The following IMPACT variants were observed in gnomAD, a reference collection of about 807,000 sequenced individuals.
IMPACT encodes the protein protein IMPACT.
A neutral mutation model predicts 47.5 loss-of-function variants in IMPACT; 35 were observed. That is an observed-to-expected ratio of 0.74 (90% confidence interval 0.56 to 0.98). The LOEUF is 0.98. IMPACT is among the 50% of genes least tolerant of loss of function. The probability of loss-of-function intolerance (pLI) is 0.00; values close to 1 mark genes in which losing one functional copy is unlikely to be tolerated. For synonymous variants in IMPACT, 118 were observed against 125.6 expected, an observed-to-expected ratio of 0.94 and a Z score of 0.40; for missense variants, 373 against 394.8, an observed-to-expected ratio of 0.94 and a Z score of 0.47.
At chr18:24,427,777 A>G in intron 1 of IMPACT, 142 bp from the exon 2 acceptor site, 2 of 712,958 alleles carry the variant, frequency 2.8e-6, no homozygotes, top group Non-Finnish European at 4.4e-6. Context: ...CCTGCTCTTA[A>G]GAAACTCTTG....
rs1355436867 is a variant in IMPACT at position 24,451,128 on chromosome 18, G to A, written c.*281G>A. 4.0e-6 allele frequency: 1 copy of A among 248,028 alleles called. No individual in the cohort carries two copies. The highest frequency in any genetic ancestry group is 7.7e-6 in the Non-Finnish European group (1 of 129,552). 15.4% of individuals were successfully genotyped at this position (248,028 alleles called of 1,614,324 possible). On this transcript the variant is annotated 3_prime_UTR_variant, in exon 11 of 11. Coordinates refer to ENST00000284202, the MANE Select transcript of IMPACT (RefSeq NM_018439.4). ...GTAACAGTTGCCCAGGGCAGTACCT[G>A]AATTAACTGTCCATTTCAGTACATG...
chr18:24,449,997 G>C, intron 10 of IMPACT, 44 bp downstream of exon 10: 1 of 1,592,696 alleles, frequency 6.3e-7, no homozygotes, highest in Non-Finnish European at 8.6e-7. Flanking sequence ...TCTCATCACT[G>C]CCTGGGAATT....
At chr18:24,445,523 A>C in intron 8 of IMPACT, 57 bp downstream of exon 8, 1 of 975,054 alleles carries the variant, frequency 1.0e-6, no homozygotes, top group Non-Finnish European at 1.5e-6. Context: ...GAGGGAAATG[A>C]TGCATGATTT....
chr18:24,434,948 A>G (rs748475347), intron 4 of IMPACT, among the ~76,000 whole-genome samples: 4 of 149,284 alleles, frequency 2.7e-5, no homozygotes, highest in South Asian at 2.1e-4. Flanking sequence ...TTGGTGATTA[A>G]TTAGATGTAT....
intron 6 of IMPACT, 125 bp from the exon 7 acceptor site, chr18:24,442,924 T>C: frequency 2.0e-6 from 1 of 508,892 alleles, no homozygotes; most frequent in Non-Finnish European, 3.5e-6. Flanking sequence ...AGATAGCGAT[T>C]AATGGTTATT....
intron 4 of IMPACT, among the ~76,000 whole-genome samples, chr18:24,437,217 T>C (rs568897610): frequency 6.6e-6 from 1 of 152,318 alleles, no homozygotes; most frequent in African/African-American, 2.4e-5. Flanking sequence ...CCATACTTAC[T>C]ACAATTAGTG....
chr18:24,447,441 A>G (rs1041999388), intron 8 of IMPACT, among the ~76,000 whole-genome samples: 3 of 151,998 alleles, frequency 2.0e-5, no homozygotes, highest in Non-Finnish European at 4.4e-5. Context: ...ACTGTATTGT[A>G]GGCCTACATT....
intron 2 of IMPACT, among the ~76,000 whole-genome samples, chr18:24,428,252 T>C (rs1201237239): frequency 6.6e-6 from 1 of 152,242 alleles, no homozygotes; most frequent in Non-Finnish European, 1.5e-5. Context: ...TCCAATGCTT[T>C]TAATCATTTA....
In IMPACT at chr18:24,426,670, A is replaced by AG; in HGVS notation, c.-86dup. ...GTGGTTCCGGGTCGGGCCGCGCCGC[A>AG]GCCAGCTCTCGGCTCGCAGCCGCAG... On this transcript the variant is annotated 5_prime_UTR_variant, in exon 1 of 11. Transcript: ENST00000284202. 9.7e-7 allele frequency: 1 copy of AG among 1,035,998 alleles called. No homozygotes were observed. 64.2% of individuals were successfully genotyped at this position (1,035,998 alleles called of 1,614,324 possible). A position where few individuals can be genotyped will look rare whatever the true frequency, so the allele number is the denominator to read the frequency against.
At chr18:24,440,415 A>G (rs1464788077) in intron 5 of IMPACT, 81 bp from the exon 6 acceptor site, 21 of 1,468,752 alleles carry the variant, frequency 1.4e-5, no homozygotes, top group Non-Finnish European at 2.0e-5. Flanking sequence ...GGTATTTAGA[A>G]CCCAAGACCC....
rs1485995828 is a variant in IMPACT, at chr18:24,426,685, C to A, written c.-72C>A. 2.6e-5 allele frequency: 30 copies of A among 1,138,062 alleles called. No homozygotes were observed. The highest frequency in any genetic ancestry group is 4.3e-5 in the Admixed American group (1 of 23,364). The allele number at this position is 1,138,062 out of a possible 1,614,324, so 70.5% of individuals were successfully genotyped here. ...GCCGCGCCGCAGCCAGCTCTCGGCTCGCAGCCGCAGCGCCCCGCCCCCGCG... is the reference window on the plus strand; with the variant it reads ...GCCGCGCCGCAGCCAGCTCTCGGCTAGCAGCCGCAGCGCCCCGCCCCCGCG... On this transcript the variant is annotated 5_prime_UTR_variant, in exon 1 of 11. Coordinates refer to ENST00000284202, the MANE Select transcript of IMPACT (RefSeq NM_018439.4).
chr18:24,437,612 A>G (rs1350485052), intron 4 of IMPACT, among the ~76,000 whole-genome samples: 3 of 152,208 alleles, frequency 2.0e-5, no homozygotes. Flanking sequence ...TCAGACATCG[A>G]TACTGAAAGA....
chr18:24,430,299 T>G (rs1407930841), intron 3 of IMPACT, 23 bp from the exon 4 acceptor site: 4 of 1,527,254 alleles, frequency 2.6e-6, no homozygotes, highest in African/African-American at 1.4e-5. Flanking sequence ...AATAATCTTC[T>G]TAATTGTTTT....
chr18:24,431,244 A>G (rs1024926877), intron 4 of IMPACT, among the ~76,000 whole-genome samples: 2 of 152,182 alleles, frequency 1.3e-5, no homozygotes, highest in African/African-American at 4.8e-5. Context: ...GTTTGACTTA[A>G]AAGTGGAGTT....
intron 4 of IMPACT, among the ~76,000 whole-genome samples, chr18:24,435,760 G>A (rs1908915288): frequency 6.6e-6 from 1 of 152,180 alleles, no homozygotes; most frequent in South Asian, 2.1e-4. Flanking sequence ...TGGGCATATT[G>A]AGTTATTGTT....
rs567621610 is a variant in IMPACT at position 24,433,354 on chromosome 18, C to T, written c.281+2970C>T. Reference sequence around the variant, plus strand: ...AGCTGGGACTACAGGCGCCCGCCACCGCGCCCGGCTAATTTTTTGTATTTT... The same window carrying T: ...AGCTGGGACTACAGGCGCCCGCCACTGCGCCCGGCTAATTTTTTGTATTTT... On this transcript the variant is annotated intron_variant, in intron 4 of 10. Transcript: ENST00000284202. Among the ~76,000 whole-genome samples the T allele has an allele frequency of 9.4e-5, 14 of 149,092 alleles. No individual in the cohort carries two copies. The South Asian group carries it at 1.3e-3, about 14-fold the overall frequency.
intron 1 of IMPACT, chr18:24,427,632 C>T (rs1908646973): frequency 3.3e-6 from 1 of 300,568 alleles, no homozygotes; most frequent in South Asian, 6.1e-5. Context: ...TGTGAATGGT[C>T]ACTACAAAGT....
At chr18:24,429,772 C>G (rs1039767673) in intron 3 of IMPACT, among the ~76,000 whole-genome samples, 1 of 150,402 alleles carries the variant, frequency 6.6e-6, no homozygotes, top group African/African-American at 2.4e-5. Flanking sequence ...CATAAATGTC[C>G]TTTTAAGAAA....
chr18:24,432,939 A>G (rs1187168163), intron 4 of IMPACT, among the ~76,000 whole-genome samples: 4 of 152,104 alleles, frequency 2.6e-5, no homozygotes, highest in South Asian at 4.1e-4. Flanking sequence ...TCACCTGCCT[A>G]TCCCCTATCC....
Sources: allele counts gnomAD v4.1 joint callset (sites outside exome capture counted in the v4.1 genomes callset), GRCh38; gene constraint gnomAD v4.1.1; transcripts MANE v1.5; gene names NCBI Gene and HGNC (gene_info 2026-07-23, HGNC 2026-07-21).